The following GNAQ variants were observed in gnomAD, a reference collection of about 807,000 sequenced individuals.
GNAQ encodes G protein subunit alpha q.
A neutral mutation model predicts 43.9 loss-of-function variants in GNAQ; 8 were observed. The ratio of observed to expected loss-of-function variants is 0.18; its 90% CI spans 0.11 to 0.33. GNAQ has a LOEUF of 0.33. Among genes scored for constraint, GNAQ ranks in the 10% least tolerant of loss-of-function variants. The pLI is 1.00. For synonymous variants in GNAQ, 155 were observed against 170.7 expected, an observed-to-expected ratio of 0.91 and a Z score of 0.71; for missense variants, 158 against 450.8, an observed-to-expected ratio of 0.35 and a Z score of 5.88.
intron 3 of GNAQ, among the ~76,000 whole-genome samples, chr9:77,809,015 G>T (rs768115558): frequency 1.3e-5 from 2 of 152,142 alleles, no homozygotes; most frequent in Non-Finnish European, 2.9e-5. Context: ...CTTCAAGAAG[G>T]ACTGGCCCTA....
intron 5 of GNAQ, among the ~76,000 whole-genome samples, chr9:77,773,940 G>T (rs546078914): frequency 6.6e-6 from 1 of 151,352 alleles, no homozygotes; most frequent in African/African-American, 2.4e-5. Flanking sequence ...CACAGCAAAT[G>T]ATTTAAAGTT....
At chr9:77,891,077 C>T (rs1369880962) in intron 2 of GNAQ, among the ~76,000 whole-genome samples, 2 of 152,200 alleles carry the variant, frequency 1.3e-5, no homozygotes, top group Non-Finnish European at 2.9e-5. Context: ...GCTTAACTTT[C>T]TAATTCATTA....
At chr9:78,026,478 T>C (rs1823981747) in intron 1 of GNAQ, among the ~76,000 whole-genome samples, 1 of 152,266 alleles carries the variant, frequency 6.6e-6, no homozygotes, top group South Asian at 2.1e-4. Flanking sequence ...TATTCAACAC[T>C]TGGAAGCTAA....
chr9:78,021,816 A>G (rs1823912917), intron 1 of GNAQ, among the ~76,000 whole-genome samples: 1 of 152,368 alleles, frequency 6.6e-6, no homozygotes, highest in South Asian at 2.1e-4. Flanking sequence ...AAAACAAACA[A>G]AAAGAAGTAG....
chr9:77,868,025 G>A (rs1299782032), intron 2 of GNAQ, among the ~76,000 whole-genome samples: 3 of 152,166 alleles, frequency 2.0e-5, no homozygotes, highest in Non-Finnish European at 4.4e-5. Flanking sequence ...TTTTGCTTAA[G>A]AGTAGTCAAT....
chr9:78,019,914 AC>A (rs1226675567), intron 1 of GNAQ, among the ~76,000 whole-genome samples: 2 of 121,706 alleles, frequency 1.6e-5, no homozygotes, highest in African/African-American at 6.3e-5. Flanking sequence ...ACAGAGTGAG[AC>A]TCCATCTCAA....
At chr9:77,874,718 G>A (rs955956713) in intron 2 of GNAQ, among the ~76,000 whole-genome samples, 2 of 151,862 alleles carry the variant, frequency 1.3e-5, no homozygotes, top group African/African-American at 4.8e-5. Context: ...TCCACCACCC[G>A]GGCTTAAGTG....
intron 5 of GNAQ, among the ~76,000 whole-genome samples, chr9:77,771,617 C>T (rs1428283494): frequency 1.3e-5 from 2 of 152,104 alleles, no homozygotes; most frequent in African/African-American, 4.8e-5. Context: ...GTTTAGTGGA[C>T]AGGACTGGCT....
At chr9:77,983,165 CTTTG>C (rs1411761395) in intron 1 of GNAQ, among the ~76,000 whole-genome samples, 1 of 152,206 alleles carries the variant, frequency 6.6e-6, no homozygotes, top group Non-Finnish European at 1.5e-5. Context: ...GAAACTGGCA[CTTTG>C]TTTCTCACTT....
chr9:77,818,030 CA>C (rs577300973), intron 2 of GNAQ, among the ~76,000 whole-genome samples: 161 of 150,452 alleles, frequency 1.1e-3, no homozygotes, highest in Admixed American at 2.8e-3. Context: ...AAAAACAAAA[CA>C]AAAAAAAACT....
rs1192458704 is a variant in GNAQ at position 77,922,231 on chromosome 9, A to T, written c.251T>A (p.Phe84Tyr). 6.2e-7 allele frequency: 1 copy of T among 1,613,630 alleles called. No homozygotes were observed. Among genetic ancestry groups the T allele is most frequent in the African/African-American group, 1.3e-5 (1 of 74,904 alleles). The change falls in exon 2 of 7, where the codon TTC (phenylalanine) becomes TAC (tyrosine). Residue 84 changes from phenylalanine (F) to tyrosine (Y), a missense_variant. Coordinates refer to ENST00000286548, the MANE Select transcript of GNAQ (RefSeq NM_002072.5). ...TCTGATCATGGCCTGCATGGCCGTG[A>T]AGATGTTCTGATACACCAGCTTGGT... ...GFTKLVYQNI[F>Y]TAMQAMIRAM...
intron 2 of GNAQ, among the ~76,000 whole-genome samples, chr9:77,908,786 C>G (rs889248169): frequency 4.6e-5 from 7 of 152,136 alleles, no homozygotes; most frequent in Middle Eastern, 3.2e-3. Context: ...TTCCAAGAGG[C>G]CTTTACTTTG....
intron 2 of GNAQ, among the ~76,000 whole-genome samples, chr9:77,879,577 T>C (rs907405436): frequency 6.6e-6 from 1 of 152,246 alleles, no homozygotes; most frequent in Non-Finnish European, 1.5e-5. Flanking sequence ...ACTGGACGTA[T>C]GAGTAATATC....
chr9:77,769,279 G>A (rs2118365458), intron 5 of GNAQ, among the ~76,000 whole-genome samples: 1 of 152,146 alleles, frequency 6.6e-6, no homozygotes, highest in Non-Finnish European at 1.5e-5. Flanking sequence ...GCATGCGCCT[G>A]TAATCCCAAC....
intron 2 of GNAQ, among the ~76,000 whole-genome samples, chr9:77,828,354 GA>G (rs1216132910): frequency 6.6e-6 from 1 of 152,096 alleles, no homozygotes. Context: ...GTTGCCAGTA[GA>G]CACTGCACAG....
At chr9:77,969,734 CTCTT>C (rs1823212883) in intron 1 of GNAQ, among the ~76,000 whole-genome samples, 2 of 152,202 alleles carry the variant, frequency 1.3e-5, no homozygotes, top group Admixed American at 1.3e-4. Flanking sequence ...TTGGGGGCAG[CTCTT>C]TCTTTAAATA....
intron 1 of GNAQ, among the ~76,000 whole-genome samples, chr9:77,967,500 G>A (rs1823182981): frequency 6.6e-6 from 1 of 152,124 alleles, no homozygotes; most frequent in African/African-American, 2.4e-5. Context: ...AGGAATTCAA[G>A]TACTGACACA....
intron 2 of GNAQ, among the ~76,000 whole-genome samples, chr9:77,827,383 TAA>T (rs5898562): frequency 0.034 from 4,419 of 129,180 alleles, 105 homozygotes; most frequent in Middle Eastern, 0.047. Flanking sequence ...TTTAAATAAC[TAA>T]AAAAAAAAAA....
At chr9:77,917,587 A>T (rs1390261408) in intron 2 of GNAQ, among the ~76,000 whole-genome samples, 1 of 152,180 alleles carries the variant, frequency 6.6e-6, no homozygotes, top group Non-Finnish European at 1.5e-5. Flanking sequence ...TTCTTTTGTA[A>T]ACTAAGAAAT....
Sources: gnomAD v4.1 joint callset for allele counts (sites outside exome capture counted in the v4.1 genomes callset) on GRCh38, gnomAD v4.1.1 for gene constraint, MANE v1.5 for transcripts, NCBI Gene and HGNC (gene_info 2026-07-23, HGNC 2026-07-21) for gene names.